BRINP3: variants seen among roughly 807,000 people sequenced by gnomAD.
BRINP3 encodes the protein BMP/retinoic acid-inducible neural-specific protein 3.
A neutral mutation model predicts 71.0 loss-of-function variants in BRINP3; 19 were observed. The observed-to-expected ratio is 0.27, with a 90% confidence interval of 0.19 to 0.39. The LOEUF (loss-of-function observed/expected upper bound fraction) is 0.39. Ranked by LOEUF, BRINP3 falls within the 10% of genes least tolerant of loss-of-function variation. BRINP3 has a pLI of 1.00. For synonymous variants in BRINP3, 380 were observed against 337.7 expected (o/e 1.13, Z -1.37); for missense variants, 959 against 940.8 (o/e 1.02, Z -0.25).
At chr1:190,442,885 A>G (rs1049086281) in intron 2 of BRINP3, among the ~76,000 whole-genome samples, 7 of 148,834 alleles carry the variant, frequency 4.7e-5, no homozygotes, top group African/African-American at 1.7e-4. Flanking sequence ...ATACTTTCAA[A>G]TATTGTGGAA....
intron 2 of BRINP3, among the ~76,000 whole-genome samples, chr1:190,400,888 T>C (rs1342732091): frequency 6.6e-6 from 1 of 152,192 alleles, no homozygotes; most frequent in South Asian, 2.1e-4. Flanking sequence ...TATTATTTGT[T>C]GAGATTTAAG....
At chr1:190,401,381 A>C (rs1006014676) in intron 2 of BRINP3, among the ~76,000 whole-genome samples, 8 of 150,502 alleles carry the variant, frequency 5.3e-5, no homozygotes, top group East Asian at 1.9e-4. Flanking sequence ...CAAAACAAAA[A>C]AAAAAAAAAA....
intron 4 of BRINP3, among the ~76,000 whole-genome samples, chr1:190,258,876 A>C (rs1340759105): frequency 1.3e-5 from 2 of 152,164 alleles, no homozygotes; most frequent in Non-Finnish European, 2.9e-5. Flanking sequence ...TAGTGGTTCA[A>C]GCCTGTAATC....
At chr1:190,211,732 T>C (rs1656006057) in intron 6 of BRINP3, among the ~76,000 whole-genome samples, 1 of 152,084 alleles carries the variant, frequency 6.6e-6, no homozygotes, top group Non-Finnish European at 1.5e-5. Context: ...AAAAATTCAT[T>C]TGAGATCTAA....
intron 5 of BRINP3, among the ~76,000 whole-genome samples, chr1:190,231,976 A>G (rs1480979981): frequency 6.6e-6 from 1 of 151,924 alleles, no homozygotes; most frequent in East Asian, 1.9e-4. Flanking sequence ...GAAGTTCTTT[A>G]TTAAAAAACT....
At chr1:190,191,169 A>G (rs1159181295) in intron 6 of BRINP3, among the ~76,000 whole-genome samples, 2 of 152,178 alleles carry the variant, frequency 1.3e-5, no homozygotes, top group Admixed American at 6.6e-5. Context: ...TTCTATAACA[A>G]TGATTCTCTT....
chr1:190,125,349 T>C (rs936384400), intron 7 of BRINP3, among the ~76,000 whole-genome samples: 4 of 151,258 alleles, frequency 2.6e-5, no homozygotes, highest in Admixed American at 6.6e-5. Context: ...ACATATATTA[T>C]ATATATACAT....
At chr1:190,345,687 T>C (rs1667971395) in intron 2 of BRINP3, among the ~76,000 whole-genome samples, 1 of 95,552 alleles carries the variant, frequency 1.0e-5, no homozygotes, top group African/African-American at 4.1e-5. Flanking sequence ...ATTACCGAAA[T>C]CAACAACCAA....
intron 2 of BRINP3, among the ~76,000 whole-genome samples, chr1:190,375,675 C>T (rs1670140285): frequency 6.6e-6 from 1 of 151,858 alleles, no homozygotes. Context: ...TCTGAAGAAA[C>T]AATCTTGGCT....
intron 6 of BRINP3, among the ~76,000 whole-genome samples, chr1:190,193,627 CT>C (rs1200297613): frequency 6.6e-6 from 1 of 152,040 alleles, no homozygotes; most frequent in Non-Finnish European, 1.5e-5. Context: ...AAGCCTTACT[CT>C]TCCCCTCAGC....
At chr1:190,137,218 A>AG (rs1655046859) in intron 7 of BRINP3, among the ~76,000 whole-genome samples, 1 of 152,150 alleles carries the variant, frequency 6.6e-6, no homozygotes, top group Non-Finnish European at 1.5e-5. Context: ...TGAAGGCCCA[A>AG]GGCAATACAA....
chr1:190,474,595 C>CTTT (rs755088271), intron 1 of BRINP3: 6 of 152,492 alleles, frequency 3.9e-5, no homozygotes, highest in South Asian at 2.1e-4. Flanking sequence ...CCCTAGTCAC[C>CTTT]TTTTCCTTCT....
intron 2 of BRINP3, among the ~76,000 whole-genome samples, chr1:190,409,399 G>T (rs1020214742): frequency 3.9e-5 from 6 of 152,040 alleles, no homozygotes; most frequent in African/African-American, 1.4e-4. Context: ...CACAAAAAAA[G>T]AATCTCATTG....
At chr1:190,396,520 C>T (rs552322393) in intron 2 of BRINP3, among the ~76,000 whole-genome samples, 2 of 151,330 alleles carry the variant, frequency 1.3e-5, no homozygotes, top group Admixed American at 6.6e-5. Flanking sequence ...GACCAACTTA[C>T]CAGCCATCAA....
chr1:190,222,143 T>C (rs1337313381), intron 6 of BRINP3, among the ~76,000 whole-genome samples: 2 of 151,968 alleles, frequency 1.3e-5, no homozygotes, highest in Admixed American at 6.6e-5. Flanking sequence ...CATGGAACAT[T>C]CTTCAGAATA....
chr1:190,367,869 C>T (rs1669609342), intron 2 of BRINP3, among the ~76,000 whole-genome samples: 1 of 152,116 alleles, frequency 6.6e-6, no homozygotes, highest in South Asian at 2.1e-4. Flanking sequence ...CAAAGCCATT[C>T]AACAATCTCT....
intron 2 of BRINP3, among the ~76,000 whole-genome samples, chr1:190,424,385 A>C (rs909841992): frequency 1.3e-4 from 20 of 151,682 alleles, no homozygotes; most frequent in Admixed American, 2.0e-4. Flanking sequence ...AAACAACCTG[A>C]TGTTGACAGA....
intron 4 of BRINP3, among the ~76,000 whole-genome samples, chr1:190,261,004 T>C (rs1040613453): frequency 2.0e-5 from 3 of 152,080 alleles, no homozygotes; most frequent in African/African-American, 7.2e-5. Flanking sequence ...TTGAAAATAA[T>C]TACTTTTAAA....
chr1:190,327,773 A>C (rs1283952798), intron 2 of BRINP3, among the ~76,000 whole-genome samples: 1 of 152,098 alleles, frequency 6.6e-6, no homozygotes, highest in Admixed American at 6.6e-5. Flanking sequence ...ATGTTTGCTG[A>C]ATTTAAACTG....
Sources: allele counts gnomAD v4.1 joint callset (sites outside exome capture counted in the v4.1 genomes callset), GRCh38; gene constraint gnomAD v4.1.1; transcripts MANE v1.5; gene names NCBI Gene and HGNC (gene_info 2026-07-23, HGNC 2026-07-21).